EML4: variants seen among roughly 807,000 people sequenced by gnomAD.
EML4 encodes EMAP like 4, also known as echinoderm microtubule-associated protein-like 4.
EML4 carries 72 observed loss-of-function variants against 129.0 expected under a neutral mutation model. That is an observed-to-expected ratio of 0.56 (90% CI 0.46 to 0.68). The LOEUF (loss-of-function observed/expected upper bound fraction) is 0.68. Ranked by LOEUF, EML4 falls within the 30% of genes least tolerant of loss-of-function variation. The pLI is 0.00. For synonymous variants in EML4, 532 were observed against 405.0 expected (o/e 1.31, Z -3.77); for missense variants, 1,363 against 1,190.6 (o/e 1.14, Z -2.13).
intron 3 of EML4, among the ~76,000 whole-genome samples, chr2:42,257,688 A>G (rs1002169044): frequency 1.1e-4 from 16 of 152,180 alleles, no homozygotes; most frequent in Middle Eastern, 3.4e-3. Flanking sequence ...TACAAAAAAA[A>G]TAGCCAGGCG....
intron 17 of EML4, among the ~76,000 whole-genome samples, chr2:42,305,781 C>T (rs1041613325): frequency 6.6e-6 from 1 of 152,120 alleles, no homozygotes; most frequent in Non-Finnish European, 1.5e-5. Context: ...TGGGGTGAGA[C>T]TATTGTGAAC....
intron 6 of EML4, among the ~76,000 whole-genome samples, chr2:42,275,868 C>G (rs993844993): frequency 1.3e-5 from 2 of 151,880 alleles, no homozygotes; most frequent in Admixed American, 6.6e-5. Flanking sequence ...TCCTCACTTT[C>G]CTTTTCTGGA....
At chr2:42,278,949 T>C (rs569218116) in intron 6 of EML4, among the ~76,000 whole-genome samples, 62 of 142,446 alleles carry the variant, frequency 4.4e-4, no homozygotes, top group African/African-American at 1.6e-3. Context: ...AAAAAAAAAA[T>C]GTATTGATTT....
At chr2:42,284,038 A>T (rs1667158802) in intron 8 of EML4, among the ~76,000 whole-genome samples, 1 of 152,254 alleles carries the variant, frequency 6.6e-6, no homozygotes, top group Non-Finnish European at 1.5e-5. Context: ...TGAGTAATTT[A>T]GGCACATATG....
intron 1 of EML4, 26 bp from the exon 2 acceptor site, chr2:42,245,479 A>T (rs755867054): frequency 1.3e-6 from 2 of 1,532,632 alleles, no homozygotes; most frequent in East Asian, 2.5e-5. Flanking sequence ...ACTTAAAAAT[A>T]TTCCATATTT....
Position 42,195,384 on chromosome 2 carries a change from C to T in EML4, c.25+25748C>T, listed in dbSNP as rs577132847. Reference sequence around the variant, plus strand: ...AATGTATCATACTCAGTTTTTATGCCATACTAAAATAAGCAAAAATAAATT... The same window carrying T: ...AATGTATCATACTCAGTTTTTATGCTATACTAAAATAAGCAAAAATAAATT... On this transcript the variant is annotated intron_variant, in intron 1 of 22. Transcript: ENST00000318522. Among the ~76,000 whole-genome samples the T allele has an allele frequency of 1.4e-3, 219 of 152,146 alleles. 1 individual carries two copies. Among genetic ancestry groups the T allele is most frequent in the African/African-American group, 5.1e-3 (213 of 41,500 alleles).
rs1670068231 is a variant in EML4, at chr2:42,330,891, C to G, written c.*684C>G. Reference sequence around the variant, plus strand: ...TTCTTGTGTGCAACTCTGTTTTATCCTAGAACTAAGAGAGCATTGGTTTGT... The same window carrying G: ...TTCTTGTGTGCAACTCTGTTTTATCGTAGAACTAAGAGAGCATTGGTTTGT... On this transcript the variant is annotated 3_prime_UTR_variant, in exon 23 of 23. Transcript: ENST00000318522. The G allele has an allele frequency of 4.9e-6, 1 of 204,784 alleles. No individual in the cohort carries two copies. Among genetic ancestry groups the G allele is most frequent in the Non-Finnish European group, 1.0e-5 (1 of 99,816 alleles). The allele number at this position is 204,784 out of a possible 1,614,324, so 12.7% of individuals were successfully genotyped here.
chr2:42,252,822 G>A (rs1675871158), intron 2 of EML4, among the ~76,000 whole-genome samples: 2 of 151,980 alleles, frequency 1.3e-5, no homozygotes, highest in African/African-American at 2.4e-5. Context: ...CCTTTCTTGA[G>A]CTCTGTGTCC....
At chr2:42,217,154 C>T (rs1337487145) in intron 1 of EML4, among the ~76,000 whole-genome samples, 4 of 152,008 alleles carry the variant, frequency 2.6e-5, no homozygotes, top group African/African-American at 9.7e-5. Flanking sequence ...TATTAGAAAC[C>T]TTTGGTGTCA....
At chr2:42,327,223 A>G (rs533785192) in intron 21 of EML4, among the ~76,000 whole-genome samples, 2 of 152,330 alleles carry the variant, frequency 1.3e-5, no homozygotes, top group African/African-American at 4.8e-5. Context: ...TGGATAGATG[A>G]CATTTTGTTA....
intron 1 of EML4, among the ~76,000 whole-genome samples, chr2:42,223,199 G>C (rs1673730127): frequency 6.6e-6 from 1 of 152,044 alleles, no homozygotes; most frequent in Non-Finnish European, 1.5e-5. Context: ...TAGGTTTATA[G>C]TTCCCTCTCT....
chr2:42,319,478 G>T (rs1355775850), intron 19 of EML4: 3 of 152,220 alleles, frequency 2.0e-5, no homozygotes, highest in Non-Finnish European at 4.4e-5. Context: ...AGGTTGTAAT[G>T]AAAGGTTCAA....
At chr2:42,221,233 A>T (rs1199996793) in intron 1 of EML4, among the ~76,000 whole-genome samples, 2 of 152,092 alleles carry the variant, frequency 1.3e-5, no homozygotes, top group African/African-American at 4.8e-5. Context: ...TCAAAGGACA[A>T]GCTGACTGTT....
chr2:42,261,238 A>G lies in EML4; in HGVS notation c.456A>G (p.Gln152=). 5 of 1,614,028 alleles carry G rather than the reference A, an allele frequency of 3.1e-6. No homozygotes were observed. Among genetic ancestry groups the G allele is most frequent in the Non-Finnish European group, 2.5e-6 (3 of 1,179,964 alleles). Reference sequence around the variant, plus strand: ...CACCTTCTCCCCAGCCCTCTTCACAACCTCTCCAAATACACAGACAAACTC... The same window carrying G: ...CACCTTCTCCCCAGCCCTCTTCACAGCCTCTCCAAATACACAGACAAACTC... ...RASPSPQPSS[Q]PLQIHRQTPE... is the part of the protein sequence containing the mutation. The change falls in exon 4 of 23, where the codon CAA becomes CAG. Residue 152 remains glutamine (Q), a synonymous_variant. Transcript: ENST00000318522.
At chr2:42,262,665 C>T (rs1380042960) in intron 4 of EML4, among the ~76,000 whole-genome samples, 1 of 152,096 alleles carries the variant, frequency 6.6e-6, no homozygotes. Context: ...TAACCACATT[C>T]TTATATAAAG....
chr2:42,277,553 C>T (rs1666724219), intron 6 of EML4, among the ~76,000 whole-genome samples: 2 of 151,534 alleles, frequency 1.3e-5, no homozygotes, highest in Non-Finnish European at 2.9e-5. Flanking sequence ...GAACTTCTCA[C>T]CCATAACAAG....
intron 20 of EML4, 72 bp from the exon 21 acceptor site, chr2:42,326,082 G>A (rs1320340313): frequency 6.3e-7 from 1 of 1,575,708 alleles, no homozygotes; most frequent in African/African-American, 1.4e-5. Flanking sequence ...TGGCTAGTTT[G>A]AATCAAGATG....
intron 2 of EML4, among the ~76,000 whole-genome samples, chr2:42,247,173 G>T (rs1338455972): frequency 6.6e-6 from 1 of 152,174 alleles, no homozygotes; most frequent in African/African-American, 2.4e-5. Flanking sequence ...GGGAAATGGG[G>T]TGGTAATTGA....
chr2:42,215,127 A>G (rs898562636), intron 1 of EML4, among the ~76,000 whole-genome samples: 2 of 152,110 alleles, frequency 1.3e-5, no homozygotes, highest in Non-Finnish European at 2.9e-5. Flanking sequence ...TGGCGTGATT[A>G]TGGCTCACCG....
Sources: allele counts gnomAD v4.1 joint callset (sites outside exome capture counted in the v4.1 genomes callset), GRCh38; gene constraint gnomAD v4.1.1; transcripts MANE v1.5; gene names NCBI Gene and HGNC (gene_info 2026-07-23, HGNC 2026-07-21).